Variants in COPZ1 observed in about 807,000 individuals in gnomAD.
COPZ1 encodes coatomer subunit zeta-1.
Under a neutral mutation model 31.7 loss-of-function variants are expected in COPZ1, and 4 were observed. That is an observed-to-expected ratio of 0.13 (90% CI 0.06 to 0.29). The LOEUF (loss-of-function observed/expected upper bound fraction) is 0.29. Among genes scored for constraint, COPZ1 ranks in the 10% least tolerant of loss-of-function variants. The pLI is 1.00. For missense variants in COPZ1, 156 were observed against 211.5 expected (o/e 0.74, Z 1.63); for synonymous variants, 74 against 79.0 (o/e 0.94, Z 0.33).
chr12:54,340,089 C>T lies in COPZ1; in HGVS notation c.19-458C>T, dbSNP rs1953947784. On this transcript the variant is annotated intron_variant, in intron 1 of 8. Coordinates refer to ENST00000262061, the MANE Select transcript of COPZ1 (RefSeq NM_016057.3). ...AGGCTTGCTTTATGCTTCTGCATTG[C>T]TACTGCATTCGGACTGCAGAAACTT... is the stretch of plus-strand genomic sequence containing the variant. Among the ~76,000 whole-genome samples the T allele has an allele frequency of 2.6e-5, 4 of 151,694 alleles. No individual in the cohort carries two copies. In the South Asian group the frequency reaches 8.3e-4, roughly 32 times the overall value.
At chr12:54,325,366 C>A (rs1953610373) in intron 1 of COPZ1, 185 bp downstream of exon 1, 6 of 775,034 alleles carry the variant, frequency 7.7e-6, no homozygotes, top group South Asian at 5.6e-5. Context: ...GAGTAGGAAG[C>A]CCTGCCGGGG....
chr12:54,332,534 C>T (rs916859600), intron 1 of COPZ1, among the ~76,000 whole-genome samples: 3 of 151,664 alleles, frequency 2.0e-5, no homozygotes, highest in South Asian at 2.1e-4. Context: ...GTCAGGAGTT[C>T]GAGACCAGCC....
chr12:54,343,917 A>G (rs2141587), intron 4 of COPZ1, among the ~76,000 whole-genome samples: 21,787 of 152,220 alleles, frequency 0.14, 1,716 homozygotes, highest in East Asian at 0.2. Context: ...ATTGTTATTT[A>G]AACCTCATAG....
intron 5 of COPZ1, 89 bp from the exon 6 acceptor site, chr12:54,347,678 T>C: frequency 8.9e-7 from 1 of 1,126,610 alleles, no homozygotes; most frequent in Non-Finnish European, 1.3e-6. Context: ...TGTTTATTGG[T>C]CTAGTTTAGG....
chr12:54,337,191 A>G (rs1953886926), intron 1 of COPZ1: 1 of 533,452 alleles, frequency 1.9e-6, no homozygotes, highest in Admixed American at 2.0e-5. Context: ...ATCTCCCACA[A>G]AACAATCTGC....
intron 5 of COPZ1, among the ~76,000 whole-genome samples, chr12:54,346,984 T>A (rs1954074897): frequency 6.6e-6 from 1 of 152,196 alleles, no homozygotes; most frequent in African/African-American, 2.4e-5. Flanking sequence ...TAAGTTACTT[T>A]TCCTGAAAAC....
chr12:54,330,444 T>C (rs1485009585), intron 1 of COPZ1, among the ~76,000 whole-genome samples: 2 of 152,188 alleles, frequency 1.3e-5, no homozygotes, highest in African/African-American at 4.8e-5. Context: ...GACCTTGTTA[T>C]AGATTTCCGA....
Position 54,334,342 on chromosome 12 carries a change from A to AC in COPZ1, c.19-6202dup, listed in dbSNP as rs546760524. Among the ~76,000 whole-genome samples, 125 of 150,932 alleles carry AC rather than the reference A, an allele frequency of 8.3e-4. 1 individual carries two copies. In the East Asian group the frequency reaches 0.021, roughly 26 times the overall value. On this transcript the variant is annotated intron_variant, in intron 1 of 8. Transcript: ENST00000262061. ...AGGCTGAGGCAGGAGAATTGCTGGAACCCGAGAGGCAGAGGCTGCAGTGAG... is the reference window on the plus strand; with the variant it reads ...AGGCTGAGGCAGGAGAATTGCTGGAACCCCGAGAGGCAGAGGCTGCAGTGAG...
At position 54,350,624 on chromosome 12, in the gene COPZ1, G is replaced by A; in HGVS notation, c.*101G>A. On this transcript the variant is annotated 3_prime_UTR_variant, in exon 9 of 9. Coordinates refer to ENST00000262061, the MANE Select transcript of COPZ1 (RefSeq NM_016057.3). ...AATCGATGCTCTCAGGGTCATCTCG[G>A]GGATCACAGGGATCCTTAAATCTCC... is the stretch of plus-strand genomic sequence containing the variant. 1 of 909,896 alleles carries A rather than the reference G, an allele frequency of 1.1e-6. No individual in the cohort carries two copies. The highest frequency in any genetic ancestry group is 1.8e-6 in the Non-Finnish European group (1 of 542,822). 56.4% of individuals were successfully genotyped at this position (909,896 alleles called of 1,614,324 possible). A position where few individuals can be genotyped will look rare whatever the true frequency, so the allele number is the denominator to read the frequency against.
chr12:54,347,942 G>T, intron 6 of COPZ1, 58 bp from the exon 7 acceptor site: 3 of 1,606,028 alleles, frequency 1.9e-6, no homozygotes, highest in South Asian at 2.2e-5. Flanking sequence ...CCTGTTCCCC[G>T]ACAGTGAGTT....
At chr12:54,347,293 G>A (rs1565597196) in intron 5 of COPZ1, among the ~76,000 whole-genome samples, 1 of 152,232 alleles carries the variant, frequency 6.6e-6, no homozygotes, top group African/African-American at 2.4e-5. Flanking sequence ...CAGGGCCTGA[G>A]CAGAGCTGGT....
Position 54,342,199 on chromosome 12 carries a change from T to G in COPZ1, c.88-7T>G, listed in dbSNP as rs1340131952. 2 of 1,609,598 alleles carry G rather than the reference T, an allele frequency of 1.2e-6. No homozygotes were observed. Among genetic ancestry groups the G allele is most frequent in the Admixed American group, 1.7e-5 (1 of 59,976 alleles). On this transcript the variant is annotated splice_polypyrimidine_tract_variant and splice_region_variant and intron_variant, in intron 2 of 8. Coordinates refer to ENST00000262061, the MANE Select transcript of COPZ1 (RefSeq NM_016057.3). Reference sequence around the variant, plus strand: ...GACCCAACCCTGTCTTCTTTCCCTCTGACCAGTACTATGACGACACCTACC... The same window carrying G: ...GACCCAACCCTGTCTTCTTTCCCTCGGACCAGTACTATGACGACACCTACC...
chr12:54,325,671 C>G (rs1953619248), intron 1 of COPZ1: 2 of 158,898 alleles, frequency 1.3e-5, no homozygotes. Context: ...CCTGTTAATC[C>G]CTATTATATA....
chr12:54,331,347 AT>A (rs1292304612), intron 1 of COPZ1, among the ~76,000 whole-genome samples: 3 of 151,466 alleles, frequency 2.0e-5, no homozygotes, highest in Non-Finnish European at 4.4e-5. Flanking sequence ...TGCCTGGCTA[AT>A]TTTTGTATTT....
chr12:54,346,786 G>T (rs1954072391), intron 5 of COPZ1: 2 of 612,706 alleles, frequency 3.3e-6, no homozygotes, highest in Non-Finnish European at 6.0e-6. Flanking sequence ...AGCCCAGGAG[G>T]TTGAGGCTGC....
chr12:54,325,283 C>A, intron 1 of COPZ1, 102 bp downstream of exon 1: 2 of 1,417,424 alleles, frequency 1.4e-6, no homozygotes, highest in Non-Finnish European at 1.9e-6. Flanking sequence ...CCGGGTAATT[C>A]TTGGGGACTG....
Position 54,342,287 on chromosome 12 carries a change from A to G in COPZ1, c.169A>G (p.Ser57Gly), listed in dbSNP as rs1425510530. 1.2e-6 allele frequency: 2 copies of G among 1,612,710 alleles called. No homozygotes were observed. The highest frequency in any genetic ancestry group is 1.7e-6 in the Non-Finnish European group (2 of 1,178,648). The change falls in exon 3 of 9, where the codon AGT becomes GGT. Residue 57 changes from serine to glycine, a missense_variant and splice_region_variant. Ser to Gly is a moderately conservative substitution (Grantham distance 56). Transcript: ENST00000262061. Reference protein sequence around the residue: ...NIFNKTHRTDSEIALLEGLTV... With the variant: ...NIFNKTHRTDGEIALLEGLTV... ...TTTCAACAAGACCCATCGGACTGAC[A>G]GTAGGTCATTTTCCTTTCACTACTA...
chr12:54,345,609 A>G (rs1304860050), intron 5 of COPZ1, 94 bp downstream of exon 5: 4 of 1,003,888 alleles, frequency 4.0e-6, no homozygotes, highest in Non-Finnish European at 6.2e-6. Context: ...ACCATTCTTC[A>G]GGCCCAGGGA....
At chr12:54,325,812 CTTTTTT>C in intron 1 of COPZ1, 1 of 120,072 alleles carries the variant, frequency 8.3e-6, no homozygotes, top group Non-Finnish European at 1.8e-5. Flanking sequence ...CTTAGGAATT[CTTTTTT>C]TTTTTTTTTT....
Sources: gnomAD v4.1 joint callset for allele counts (sites outside exome capture counted in the v4.1 genomes callset) on GRCh38, gnomAD v4.1.1 for gene constraint, MANE v1.5 for transcripts, NCBI Gene and HGNC (gene_info 2026-07-23, HGNC 2026-07-21) for gene names.